Variants in GUCY1A2 observed in about 807,000 individuals in gnomAD.
GUCY1A2 encodes the protein guanylate cyclase 1 soluble subunit alpha 2.
A neutral mutation model predicts 63.5 loss-of-function variants in GUCY1A2; 27 were observed. The observed-to-expected ratio is 0.43, with a 90% CI of 0.31 to 0.59. The LOEUF (loss-of-function observed/expected upper bound fraction) is 0.59. Among genes scored for constraint, GUCY1A2 ranks in the 20% least tolerant of loss-of-function variants. The pLI, the probability that GUCY1A2 is intolerant of heterozygous loss-of-function variation, is 0.11. For missense variants in GUCY1A2, 768 were observed against 913.3 expected, an observed-to-expected ratio of 0.84 and a Z score of 2.05; for synonymous variants, 364 against 343.5, an observed-to-expected ratio of 1.06 and a Z score of -0.66.
chr11:106,762,145 A>G (rs1864076429), intron 6 of GUCY1A2, among the ~76,000 whole-genome samples: 1 of 152,146 alleles, frequency 6.6e-6, no homozygotes, highest in African/African-American at 2.4e-5. Context: ...TGAATATGCA[A>G]TTTAGAGTAA....
At chr11:106,985,042 AT>A (rs1861383981) in intron 2 of GUCY1A2, among the ~76,000 whole-genome samples, 1 of 152,146 alleles carries the variant, frequency 6.6e-6, no homozygotes, top group Non-Finnish European at 1.5e-5. Context: ...TTATTTTTCC[AT>A]TAAGATTTCT....
chr11:106,883,782 G>A (rs898177557), intron 4 of GUCY1A2, among the ~76,000 whole-genome samples: 7 of 151,984 alleles, frequency 4.6e-5, no homozygotes, highest in East Asian at 1.9e-4. Flanking sequence ...AGCAATGTAC[G>A]TCACCAGCCC....
At chr11:106,869,895 G>GAT in intron 4 of GUCY1A2, among the ~76,000 whole-genome samples, 1 of 152,132 alleles carries the variant, frequency 6.6e-6, no homozygotes, top group South Asian at 2.1e-4. Flanking sequence ...AGAAAATGTG[G>GAT]TACATATACA....
At chr11:106,871,672 C>T (rs999551870) in intron 4 of GUCY1A2, among the ~76,000 whole-genome samples, 1 of 152,108 alleles carries the variant, frequency 6.6e-6, no homozygotes, top group African/African-American at 2.4e-5. Context: ...AATAAAGTCA[C>T]ATTCACATGG....
At chr11:106,936,391 C>G (rs1391453456) in intron 4 of GUCY1A2, among the ~76,000 whole-genome samples, 1 of 151,966 alleles carries the variant, frequency 6.6e-6, no homozygotes, top group Non-Finnish European at 1.5e-5. Context: ...TCTTTATTCT[C>G]TACACTGAAT....
chr11:106,744,670 T>C (rs1021090748), intron 6 of GUCY1A2, among the ~76,000 whole-genome samples: 4 of 152,186 alleles, frequency 2.6e-5, no homozygotes, highest in African/African-American at 4.8e-5. Context: ...AAACCTGTTT[T>C]ACTGAGTGAA....
At chr11:106,819,480 A>G (rs991447318) in intron 4 of GUCY1A2, among the ~76,000 whole-genome samples, 7 of 152,134 alleles carry the variant, frequency 4.6e-5, no homozygotes, top group African/African-American at 1.7e-4. Flanking sequence ...AGCAACCACT[A>G]CCCTGATCAG....
At chr11:106,911,236 C>T (rs986278027) in intron 4 of GUCY1A2, among the ~76,000 whole-genome samples, 1 of 151,952 alleles carries the variant, frequency 6.6e-6, no homozygotes, top group Non-Finnish European at 1.5e-5. Flanking sequence ...GTTTAAAGTT[C>T]CCACAATAGC....
chr11:107,011,934 C>T lies in GUCY1A2; in HGVS notation c.303+5819G>A, dbSNP rs931606408. ...ACACACATACAGATTAGTTTGAATG[C>T]AGTAGATGAAGAATGCTTGGAATTC... is the stretch of plus-strand genomic sequence containing the variant. On this transcript the variant is annotated intron_variant, in intron 1 of 7. Transcript: ENST00000526355. 1.3e-5 allele frequency among the ~76,000 whole-genome samples: 2 copies of T among 152,038 alleles called. 1 individual carries two copies. Among genetic ancestry groups the T allele is most frequent in the South Asian group, 4.1e-4 (2 of 4,828 alleles).
At chr11:106,967,879 A>G (rs1316764251) in intron 3 of GUCY1A2, among the ~76,000 whole-genome samples, 1 of 152,204 alleles carries the variant, frequency 6.6e-6, no homozygotes, top group East Asian at 1.9e-4. Context: ...ACAAAAAGCA[A>G]TGAATGAAAG....
intron 4 of GUCY1A2, among the ~76,000 whole-genome samples, chr11:106,849,791 T>A (rs1055897570): frequency 2.6e-5 from 4 of 151,700 alleles, no homozygotes; most frequent in Non-Finnish European, 5.9e-5. Flanking sequence ...CTGAGCATTA[T>A]CTTGGAAAGA....
chr11:107,002,122 T>G (rs1861619626), intron 1 of GUCY1A2, among the ~76,000 whole-genome samples: 1 of 152,056 alleles, frequency 6.6e-6, no homozygotes, highest in Non-Finnish European at 1.5e-5. Context: ...TTGATGAAAT[T>G]GATTAAAATT....
intron 3 of GUCY1A2, among the ~76,000 whole-genome samples, chr11:106,942,988 T>TG (rs1860771411): frequency 6.6e-6 from 1 of 152,188 alleles, no homozygotes; most frequent in Admixed American, 6.5e-5. Context: ...ATATTATGAA[T>TG]GGCAATTCTA....
chr11:106,966,879 T>C (rs994358180), intron 3 of GUCY1A2, among the ~76,000 whole-genome samples: 1 of 152,196 alleles, frequency 6.6e-6, no homozygotes, highest in Admixed American at 6.5e-5. Context: ...ATTTGAATTG[T>C]TGCTTTTTAT....
At chr11:106,760,096 C>G (rs1864039793) in intron 6 of GUCY1A2, among the ~76,000 whole-genome samples, 1 of 152,260 alleles carries the variant, frequency 6.6e-6, no homozygotes, top group African/African-American at 2.4e-5. Flanking sequence ...TAAAACATGT[C>G]TTCAAATAAA....
intron 6 of GUCY1A2, among the ~76,000 whole-genome samples, chr11:106,716,145 T>G (rs1333831546): frequency 6.6e-6 from 1 of 152,088 alleles, no homozygotes; most frequent in Non-Finnish European, 1.5e-5. Flanking sequence ...TTTTTGTAAC[T>G]GAAAGGAGGC....
intron 3 of GUCY1A2, among the ~76,000 whole-genome samples, chr11:106,947,154 T>A (rs1860840597): frequency 6.6e-6 from 1 of 151,192 alleles, no homozygotes; most frequent in South Asian, 2.1e-4. Flanking sequence ...GAGGCAGAGG[T>A]TGCAGTGAGC....
chr11:106,975,073 C>T (rs1861245012), intron 3 of GUCY1A2, among the ~76,000 whole-genome samples: 1 of 152,060 alleles, frequency 6.6e-6, no homozygotes, highest in African/African-American at 2.4e-5. Context: ...ACCCACAACA[C>T]CCTTAATAGT....
Position 106,842,332 on chromosome 11 carries a change from A to C in GUCY1A2, c.1207-31854T>G, listed in dbSNP as rs28570570. ...CCACAACTTTGTTAAGAAGTCTCCC[A>C]CTGAGTGTGGCATTAAGTTCCTGCT... On this transcript the variant is annotated intron_variant, in intron 4 of 7. Transcript: ENST00000526355. Among the ~76,000 whole-genome samples, 322 of 152,000 alleles carry C rather than the reference A, an allele frequency of 2.1e-3. 1 individual carries two copies. The highest frequency in any genetic ancestry group is 3.3e-3 in the Non-Finnish European group (221 of 67,930).
Sources: allele counts gnomAD v4.1 joint callset (sites outside exome capture counted in the v4.1 genomes callset), GRCh38; gene constraint gnomAD v4.1.1; transcripts MANE v1.5; gene names NCBI Gene and HGNC (gene_info 2026-07-23, HGNC 2026-07-21).